The following USP34 variants were observed in gnomAD, a reference collection of about 807,000 sequenced individuals.
USP34 encodes the protein ubiquitin carboxyl-terminal hydrolase 34.
Under a neutral mutation model 460.3 loss-of-function variants are expected in USP34, and 70 were observed. The ratio of observed to expected loss-of-function variants is 0.15; its 90% CI spans 0.13 to 0.19. USP34 has a LOEUF of 0.19. USP34 is among the 10% of genes least tolerant of loss of function. The pLI, the probability that USP34 is intolerant of heterozygous loss-of-function variation, is 1.00. For missense variants in USP34, 3,985 were observed against 4,236.2 expected (o/e 0.94, Z 1.65); for synonymous variants, 1,647 against 1,405.3 (o/e 1.17, Z -3.85).
Position 61,269,665 on chromosome 2 carries a change from A to C in USP34, c.5434-3498T>G, listed in dbSNP as rs536608318. Among the ~76,000 whole-genome samples, 446 of 152,266 alleles carry C rather than the reference A, an allele frequency of 2.9e-3. 4 individuals carry two copies. Among genetic ancestry groups the C allele is most frequent in the African/African-American group, 0.01 (421 of 41,558 alleles). The stretch of plus-strand genomic sequence containing the variant: ...AAGATTAAGAAATATGTCAACAATA[A>C]AAGTTTAAAGACCAGTGCACTCTGC... On this transcript the variant is annotated intron_variant, in intron 41 of 79. Coordinates refer to ENST00000398571, the MANE Select transcript of USP34 (RefSeq NM_014709.4).
In USP34 at chr2:61,411,237, G is replaced by A. The variant is rs192853471; in HGVS notation, c.132-5109C>T. 1.1e-3 allele frequency among the ~76,000 whole-genome samples: 161 copies of A among 151,934 alleles called. 1 individual carries two copies. Among genetic ancestry groups the A allele is most frequent in the Non-Finnish European group, 9.1e-4 (62 of 67,932 alleles). On this transcript the variant is annotated intron_variant, in intron 2 of 79. Coordinates refer to ENST00000398571, the MANE Select transcript of USP34 (RefSeq NM_014709.4). ...TCGTCTCAAAAAAAAACAAAGTTAG[G>A]CAGGCAAGGTGCCATACGCCCGTAA...
chr2:61,316,180 G>A (rs1690740067), intron 23 of USP34, among the ~76,000 whole-genome samples: 1 of 150,570 alleles, frequency 6.6e-6, no homozygotes, highest in Non-Finnish European at 1.5e-5. Flanking sequence ...CACTCCAGCA[G>A]TTATCAGAGT....
chr2:61,379,681 G>C (rs953951778), intron 7 of USP34, among the ~76,000 whole-genome samples: 1 of 152,146 alleles, frequency 6.6e-6, no homozygotes, highest in East Asian at 1.9e-4. Flanking sequence ...AGAATACCAG[G>C]CCTTCTTCCA....
chr2:61,233,155 C>A (rs924826670), intron 57 of USP34, among the ~76,000 whole-genome samples: 1 of 152,084 alleles, frequency 6.6e-6, no homozygotes, highest in South Asian at 2.1e-4. Flanking sequence ...CCATGTCACC[C>A]GGCCACCTAT....
chr2:61,300,772 G>C (rs1364606414), intron 29 of USP34, among the ~76,000 whole-genome samples, 179 bp downstream of exon 29: 5 of 148,478 alleles, frequency 3.4e-5, no homozygotes, highest in African/African-American at 1.2e-4. Flanking sequence ...CTCCAGCCTG[G>C]TCAACAGAGT....
chr2:61,256,295 T>C, intron 48 of USP34, 89 bp downstream of exon 48: 1 of 1,216,106 alleles, frequency 8.2e-7, no homozygotes, highest in South Asian at 1.3e-5. Context: ...CATCATATAA[T>C]TTCCACCAAA....
intron 21 of USP34, among the ~76,000 whole-genome samples, chr2:61,320,664 A>G (rs952986058): frequency 3.3e-5 from 5 of 152,144 alleles, no homozygotes; most frequent in African/African-American, 1.2e-4. Context: ...CATGAGTTTG[A>G]GACCGGTCTG....
chr2:61,296,951 A>G (rs900077075), intron 29 of USP34, 26 bp from the exon 30 acceptor site: 40 of 1,575,624 alleles, frequency 2.5e-5, no homozygotes, highest in African/African-American at 2.3e-4. Context: ...CAACTACTTT[A>G]TCAAAACAGA....
chr2:61,288,956 C>A (rs1027492678), intron 33 of USP34, 79 bp from the exon 34 acceptor site: 9 of 1,436,008 alleles, frequency 6.3e-6, no homozygotes, highest in Admixed American at 1.9e-5. Context: ...AATTAAAAGA[C>A]CAGAAAATAA....
At chr2:61,272,895 G>A (rs1689258170) in intron 41 of USP34, among the ~76,000 whole-genome samples, 1 of 152,154 alleles carries the variant, frequency 6.6e-6, no homozygotes, top group Non-Finnish European at 1.5e-5. Flanking sequence ...ATTGTGACAT[G>A]AGTCTGCTTG....
chr2:61,232,860 T>G (rs2421114), intron 57 of USP34, among the ~76,000 whole-genome samples: 1 of 66,424 alleles, frequency 1.5e-5, no homozygotes, highest in Non-Finnish European at 2.7e-5. Context: ...ATATATATAT[T>G]CCCCCCCCCC....
At chr2:61,204,643 T>C in intron 72 of USP34, 42 bp from the exon 73 acceptor site, 4 of 1,473,876 alleles carry the variant, frequency 2.7e-6, no homozygotes, top group Non-Finnish European at 3.8e-6. Context: ...AAATTAAGAG[T>C]TATATCTGCC....
chr2:61,271,276 C>T (rs1689205803), intron 41 of USP34, among the ~76,000 whole-genome samples: 2 of 152,192 alleles, frequency 1.3e-5, no homozygotes, highest in South Asian at 4.1e-4. Context: ...TGCACTCCAA[C>T]CTGGGTGAAG....
chr2:61,300,805 A>AAACAAAAAAAAAATG, intron 29 of USP34, 146 bp downstream of exon 29: 8 of 599,924 alleles, frequency 1.3e-5, no homozygotes, highest in Non-Finnish European at 2.1e-5. Context: ...CAAAAAAAGA[A>AAACAAAAAAAAAATG]AACAAAAAAA....
intron 36 of USP34, 42 bp downstream of exon 36, chr2:61,283,367 C>G: frequency 6.3e-7 from 1 of 1,581,238 alleles, no homozygotes; most frequent in Non-Finnish European, 8.6e-7. Context: ...ATATATTATT[C>G]AAGTTTTTAT....
intron 24 of USP34, 54 bp from the exon 25 acceptor site, chr2:61,314,798 T>C (rs1055685370): frequency 2.6e-5 from 42 of 1,585,520 alleles, no homozygotes; most frequent in African/African-American, 1.9e-4. Flanking sequence ...TGTTTAGCTA[T>C]ATCAAAGAAA....
intron 3 of USP34, among the ~76,000 whole-genome samples, chr2:61,400,301 G>T (rs1693676207): frequency 6.6e-6 from 1 of 152,018 alleles, no homozygotes; most frequent in Non-Finnish European, 1.5e-5. Context: ...AGTAGAGACA[G>T]GGTTTCACTG....
intron 10 of USP34, among the ~76,000 whole-genome samples, chr2:61,355,751 G>A (rs1692083422): frequency 1.3e-5 from 2 of 152,096 alleles, no homozygotes; most frequent in African/African-American, 4.8e-5. Flanking sequence ...ACACAAGTTT[G>A]TCCCTCTTTA....
chr2:61,246,346 G>A lies in USP34; in HGVS notation c.6526C>T (p.His2176Tyr), dbSNP rs1265555329. The A allele has an allele frequency of 2.3e-5, 37 of 1,576,590 alleles. No individual in the cohort carries two copies. Among genetic ancestry groups the A allele is most frequent in the Admixed American group, 3.7e-5 (2 of 53,906 alleles). Residue 2176 changes from histidine (H) to tyrosine (Y), a missense_variant, in exon 50 of 80, where the codon CAT (histidine) becomes TAT (tyrosine). His to Tyr is a moderately conservative substitution (Grantham distance 83). This residue lies in a region of USP34 where 70 missense variants were observed against 78.1 expected (regional missense o/e 0.90). Transcript: ENST00000398571. ...CACCATTTATTGTTTTTATAAGCAT[G>A]GGGATTTACTATATCTCTGATAAAG... ...YSFIRDIVNP[H>Y]AYKNNKWYLF...
Sources: gnomAD v4.1 joint callset for allele counts (sites outside exome capture counted in the v4.1 genomes callset) on GRCh38, gnomAD v4.1.1 for gene constraint, gnomAD v4.1.1 regional missense constraint, MANE v1.5 for transcripts, NCBI Gene and HGNC (gene_info 2026-07-23, HGNC 2026-07-21) for gene names.